Variants in PLK1 observed in about 807,000 individuals in gnomAD.
PLK1 encodes polo like kinase 1.
A neutral mutation model predicts 56.7 loss-of-function variants in PLK1; 6 were observed. The ratio of observed to expected loss-of-function variants is 0.11; its 90% CI spans 0.06 to 0.21. The LOEUF is 0.21. Ranked by LOEUF, PLK1 falls within the 10% of genes least tolerant of loss-of-function variation. The pLI is 1.00. For missense variants in PLK1, 546 were observed against 814.4 expected (o/e 0.67, Z 4.01); for synonymous variants, 298 against 325.0 (o/e 0.92, Z 0.89).
chr16:23,679,619 C>T, intron 1 of PLK1: 1 of 423,716 alleles, frequency 2.4e-6, no homozygotes. Context: ...GGGAGGGGTG[C>T]TGGTAATGGA....
chr16:23,687,966 G>A (rs1291415282), intron 6 of PLK1: 1 of 173,682 alleles, frequency 5.8e-6, no homozygotes, highest in Non-Finnish European at 1.2e-5. Flanking sequence ...ACTTCTTCCA[G>A]ACACCACATG....
intron 4 of PLK1, among the ~76,000 whole-genome samples, chr16:23,683,351 C>T (rs1959371911): frequency 1.3e-5 from 2 of 152,160 alleles, no homozygotes; most frequent in South Asian, 2.1e-4. Context: ...CTGGTTCCTG[C>T]AGAAGCCTAG....
At position 23,689,697 on chromosome 16, in the gene PLK1, C is replaced by T. The variant is rs772656494; in HGVS notation, c.1608+21C>T. 1.4e-5 allele frequency: 22 copies of T among 1,587,086 alleles called. No homozygotes were observed. In the Admixed American group the frequency reaches 1.6e-4, roughly 11 times the overall value. ...TCCAGGTGAGCTGGAGGTCACCAGG[C>T]GCAGGAGAGAGCTGGGGTAGGCTCC... On this transcript the variant is annotated intron_variant, in intron 9 of 9. Transcript: ENST00000300093. This position sits in a 1 kb window ranked among gnomAD's most constrained non-coding sequence, Gnocchi z 4.8.
At chr16:23,684,957 C>CTTTTTTTTTTTTTTTTTTTTTTTTTT (rs71154221) in intron 5 of PLK1, among the ~76,000 whole-genome samples, 1 of 56,892 alleles carries the variant, frequency 1.8e-5, no homozygotes. Flanking sequence ...CAGGCCCGGC[C>CTTTTTTTTTTTTTTTTTTTTTTTTTT]TTTTTTTTTT....
At chr16:23,680,357 C>G in intron 2 of PLK1, 105 bp downstream of exon 2, 1 of 830,284 alleles carries the variant, frequency 1.2e-6, no homozygotes, top group Non-Finnish European at 1.9e-6. Flanking sequence ...AGTATCTTGC[C>G]TACAGATGCA....
chr16:23,679,767 A>C (rs1175625578), intron 1 of PLK1: 9 of 304,810 alleles, frequency 3.0e-5, no homozygotes, highest in Non-Finnish European at 5.5e-5. Flanking sequence ...ACGAGTCAGG[A>C]AAGGGATCTG....
At chr16:23,688,850 C>T in intron 7 of PLK1, 105 bp downstream of exon 7, 1 of 812,862 alleles carries the variant, frequency 1.2e-6, no homozygotes, top group Non-Finnish European at 2.2e-6. Flanking sequence ...GTTCTCAGTG[C>T]CCTCCTCTCT....
intron 4 of PLK1, among the ~76,000 whole-genome samples, chr16:23,683,451 T>C (rs1959373266): frequency 6.6e-6 from 1 of 152,058 alleles, no homozygotes; most frequent in Non-Finnish European, 1.5e-5. Flanking sequence ...TCACAAAGTG[T>C]CAGTTCACTG....
Position 23,682,118 on chromosome 16 carries a change from C to A in PLK1, c.777C>A (p.Thr259=), listed in dbSNP as rs755360566. Residue 259 remains threonine (T), a synonymous_variant, in exon 4 of 10, where the codon ACC becomes ACA. Coordinates refer to ENST00000300093, the MANE Select transcript of PLK1 (RefSeq NM_005030.6). The stretch of plus-strand genomic sequence containing the variant: ...TTGAGACTTCTTGCCTAAAAGAGAC[C>A]TACCTCCGGATCAAGAAGAATGAAT... ...PPFETSCLKE[T]YLRIKKNEYS... is the part of the protein sequence containing the mutation. 2 of 1,602,908 alleles carry A rather than the reference C, an allele frequency of 1.2e-6. No homozygotes were observed. The highest frequency in any genetic ancestry group is 2.7e-5 in the African/African-American group (2 of 74,808).
At chr16:23,688,448 T>C (rs1220205267) in intron 6 of PLK1, among the ~76,000 whole-genome samples, 1 of 152,236 alleles carries the variant, frequency 6.6e-6, no homozygotes, top group Non-Finnish European at 1.5e-5. Flanking sequence ...TGGTGCGCTG[T>C]GCTGAGACTT....
At chr16:23,680,787 A>G (rs1959318736) in intron 2 of PLK1, 127 bp from the exon 3 acceptor site, 1 of 892,042 alleles carries the variant, frequency 1.1e-6, no homozygotes, top group South Asian at 1.8e-5. Context: ...CTTGCTACAT[A>G]CAAGGAGCAG....
chr16:23,681,121 C>A, intron 3 of PLK1, 63 bp downstream of exon 3: 10 of 1,443,582 alleles, frequency 6.9e-6, no homozygotes, highest in Non-Finnish European at 8.7e-6. Flanking sequence ...GGACATCCTA[C>A]CTGGCTGACC....
At position 23,682,148 on chromosome 16, in the gene PLK1, T is replaced by A; in HGVS notation, c.807T>A (p.Ser269Arg). 6.5e-7 allele frequency: 1 copy of A among 1,537,244 alleles called. No homozygotes were observed. Among genetic ancestry groups the A allele is most frequent in the Non-Finnish European group, 9.0e-7 (1 of 1,109,940 alleles). ...TYLRIKKNEY[S>R]IPKHINPVAA... ...TCCGGATCAAGAAGAATGAATACAGTATTCCCAAGGTGACTAATGATGCTT... is the reference window on the plus strand; with the variant it reads ...TCCGGATCAAGAAGAATGAATACAGAATTCCCAAGGTGACTAATGATGCTT... Residue 269 changes from serine (S) to arginine (R), a missense_variant, in exon 4 of 10, where the codon AGT (serine) becomes AGA (arginine). By Grantham distance (110) the Ser-to-Arg change is moderately radical. Coordinates refer to ENST00000300093, the MANE Select transcript of PLK1 (RefSeq NM_005030.6).
chr16:23,687,236 C>T (rs956395040), intron 5 of PLK1: 3 of 316,636 alleles, frequency 9.5e-6, no homozygotes, highest in Non-Finnish European at 1.7e-5. Context: ...GCAGGTCATC[C>T]TGCAGGGCCA....
At position 23,689,294 on chromosome 16, in the gene PLK1, A is replaced by G. The variant is rs777872494; in HGVS notation, c.1327A>G (p.Ile443Val). ...GVLFNDSTRL[I>V]LYNDGDSLQY... The stretch of plus-strand genomic sequence containing the variant: ...GCTCTTCAATGACTCAACACGCCTC[A>G]TCCTCTACAATGATGGTGACAGCCT... Residue 443 changes from isoleucine to valine, a missense_variant, in exon 8 of 10, where the codon ATC becomes GTC. Coordinates refer to ENST00000300093, the MANE Select transcript of PLK1 (RefSeq NM_005030.6). This position sits in a 1 kb window ranked among gnomAD's most constrained non-coding sequence, Gnocchi z 4.8. 3.1e-6 allele frequency: 5 copies of G among 1,613,862 alleles called. No homozygotes were observed. Among genetic ancestry groups the G allele is most frequent in the Non-Finnish European group, 8.5e-7 (1 of 1,179,828 alleles).
In PLK1 at chr16:23,689,490, C is replaced by A. The variant is rs1959501216; in HGVS notation, c.1426-4C>A. 5 of 1,606,110 alleles carry A rather than the reference C, an allele frequency of 3.1e-6. No homozygotes were observed. The East Asian group carries it at 6.7e-5, about 22-fold the overall frequency. On this transcript the variant is annotated splice_polypyrimidine_tract_variant and splice_region_variant and intron_variant, in intron 8 of 9. Transcript: ENST00000300093. The surrounding 1 kb of genome is among the most constrained non-coding windows in gnomAD (Gnocchi z 4.8). Reference sequence around the variant, plus strand: ...CTGGAACCCCTTACCTACTTTTCATCCAGATCACCCTCCTTAAATATTTCC... The same window carrying A: ...CTGGAACCCCTTACCTACTTTTCATACAGATCACCCTCCTTAAATATTTCC...
At position 23,680,218 on chromosome 16, in the gene PLK1, C is replaced by T; in HGVS notation, c.543C>T (p.Asn181=). Residue 181 remains asparagine, a synonymous_variant, in exon 2 of 10, where the codon AAC becomes AAT. Transcript: ENST00000300093. The stretch of plus-strand genomic sequence containing the variant: ...TTCATCGAGACCTCAAGCTGGGCAA[C>T]CTTTTCCTGAATGAAGATCTGGAGG... ...RVIHRDLKLG[N]LFLNEDLEVK... The T allele has an allele frequency of 1.9e-6, 3 of 1,614,032 alleles. 1 individual carries two copies. The highest frequency in any genetic ancestry group is 2.2e-5 in the South Asian group (2 of 91,072).
At chr16:23,683,300 C>T (rs931645895) in intron 4 of PLK1, among the ~76,000 whole-genome samples, 1 of 152,148 alleles carries the variant, frequency 6.6e-6, no homozygotes, top group Middle Eastern at 3.2e-3. Context: ...CCATGGTGTG[C>T]ATTTTCACAA....
At chr16:23,679,612 A>T (rs1959299533) in intron 1 of PLK1, 1 of 422,778 alleles carries the variant, frequency 2.4e-6, no homozygotes, top group Non-Finnish European at 4.2e-6. Flanking sequence ...TGCTGGGGGG[A>T]GGGGTGCTGG....
Sources: allele counts gnomAD v4.1 joint callset (sites outside exome capture counted in the v4.1 genomes callset), GRCh38; gene constraint gnomAD v4.1.1; non-coding constraint Gnocchi (gnomAD v3.1); transcripts MANE v1.5; gene names NCBI Gene and HGNC (gene_info 2026-07-23, HGNC 2026-07-21).